RERE: variants seen among roughly 807,000 people sequenced by gnomAD.
The protein encoded by RERE is arginine-glutamic acid dipeptide repeats protein.
Under a neutral mutation model 146.1 loss-of-function variants are expected in RERE, and 40 were observed. The ratio of observed to expected loss-of-function variants is 0.27; its 90% CI spans 0.21 to 0.36. RERE has a LOEUF of 0.36. Ranked by LOEUF, RERE falls within the 10% of genes least tolerant of loss-of-function variation. The probability of loss-of-function intolerance (pLI) is 1.00; values close to 1 mark genes in which losing one functional copy is unlikely to be tolerated. For synonymous variants in RERE, 1,003 were observed against 866.0 expected (o/e 1.16, Z -2.78); for missense variants, 1,933 against 2,138.7 (o/e 0.90, Z 1.90).
intron 12 of RERE, among the ~76,000 whole-genome samples, chr1:8,416,598 A>AAAAAAAAAG (rs1419532157): frequency 6.8e-6 from 1 of 147,682 alleles, no homozygotes; most frequent in African/African-American, 2.5e-5. Context: ...AAAAAAAAAA[A>AAAAAAAAAG]AAAAGAAAAG....
intron 1 of RERE, among the ~76,000 whole-genome samples, chr1:8,720,322 A>G: frequency 6.6e-6 from 1 of 152,140 alleles, no homozygotes; most frequent in East Asian, 1.9e-4. Context: ...AACAAAGTAG[A>G]AAGACACTCC....
chr1:8,630,596 G>C (rs1350293145), intron 2 of RERE, among the ~76,000 whole-genome samples: 2 of 152,162 alleles, frequency 1.3e-5, no homozygotes, highest in Non-Finnish European at 2.9e-5. Context: ...ATTTAAAAGG[G>C]AAAAGGACTG....
intron 10 of RERE, among the ~76,000 whole-genome samples, chr1:8,471,436 C>A (rs1452644343): frequency 6.6e-6 from 1 of 151,944 alleles, no homozygotes; most frequent in East Asian, 1.9e-4. Context: ...CTTCAGCCGC[C>A]CAAGTACTAG....
At chr1:8,359,664 C>G (rs932733264) in intron 19 of RERE, 100 bp downstream of exon 19, 1 of 1,324,438 alleles carries the variant, frequency 7.6e-7, no homozygotes, top group Non-Finnish European at 1.1e-6. Context: ...GCCAGGAGGC[C>G]GAGTCAGGCA....
At chr1:8,604,149 G>T (rs1251487900) in intron 4 of RERE, among the ~76,000 whole-genome samples, 3 of 152,092 alleles carry the variant, frequency 2.0e-5, no homozygotes, top group African/African-American at 7.2e-5. Flanking sequence ...CATCTTACAT[G>T]TGAAGACAGT....
At chr1:8,736,851 G>GAAA (rs34872965) in intron 1 of RERE, among the ~76,000 whole-genome samples, 18 of 99,790 alleles carry the variant, frequency 1.8e-4, no homozygotes, top group African/African-American at 6.5e-4. Context: ...AAGCAAGGGG[G>GAAA]AAAAAAAAAA....
At position 8,672,842 on chromosome 1, in the gene RERE, T is replaced by C. The variant is rs75793603; in HGVS notation, c.-144-16401A>G. Among the ~76,000 whole-genome samples, 716 of 152,302 alleles carry C rather than the reference T, an allele frequency of 4.7e-3. 3 individuals are homozygous for C. Among genetic ancestry groups the C allele is most frequent in the African/African-American group, 0.017 (689 of 41,568 alleles). The stretch of plus-strand genomic sequence containing the variant: ...ACTCAAGAATATGCCAGCATCCTTG[T>C]ATCAGATGTTTACTACCAAACAAAC... On this transcript the variant is annotated intron_variant, in intron 1 of 22. Coordinates refer to ENST00000400908, the MANE Select transcript of RERE (RefSeq NM_001042681.2).
Position 8,656,132 on chromosome 1 carries a change from T to C in RERE, c.166A>G (p.Ser56Gly), listed in dbSNP as rs1355090965. 3.7e-6 allele frequency: 6 copies of C among 1,614,108 alleles called. No individual in the cohort carries two copies. Among genetic ancestry groups the C allele is most frequent in the Non-Finnish European group, 4.2e-6 (5 of 1,179,946 alleles). The change falls in exon 2 of 23, where the codon AGT (serine) becomes GGT (glycine). Residue 56 changes from serine to glycine, a missense_variant. Ser to Gly is a moderately conservative substitution (Grantham distance 56, BLOSUM62 0). This residue lies in a region of RERE where 107 missense variants were observed against 119.7 expected (regional missense o/e 0.89). Transcript: ENST00000400908. ...TTGTTGTCATTGTCCTCGTCTTCAC[T>C]GTGATCACTCTCAGCATAATTTTTG... ...GAKNYAESDH[S>G]EDEDNDNNSA...
intron 4 of RERE, among the ~76,000 whole-genome samples, chr1:8,571,385 CAGTAA>C (rs1327350038): frequency 7.9e-5 from 12 of 152,274 alleles, no homozygotes; most frequent in Admixed American, 1.3e-4. Flanking sequence ...GTTGGTAACA[CAGTAA>C]AGTAATTTTT....
intron 10 of RERE, among the ~76,000 whole-genome samples, chr1:8,481,256 A>C (rs1161807887): frequency 6.6e-6 from 1 of 152,154 alleles, no homozygotes; most frequent in African/African-American, 2.4e-5. Context: ...AGCTGAGACT[A>C]CAGGAGCATA....
chr1:8,671,769 T>A (rs1301412896), intron 1 of RERE, among the ~76,000 whole-genome samples: 1 of 152,166 alleles, frequency 6.6e-6, no homozygotes, highest in East Asian at 1.9e-4. Context: ...AAAATGAAAT[T>A]TAATGGGTTC....
At chr1:8,367,210 G>C (rs565030449) in intron 12 of RERE, among the ~76,000 whole-genome samples, 2 of 152,188 alleles carry the variant, frequency 1.3e-5, no homozygotes, top group Non-Finnish European at 2.9e-5. Context: ...GCTGCCACAT[G>C]ACAAACTCAC....
intron 7 of RERE, among the ~76,000 whole-genome samples, chr1:8,520,757 A>AC (rs1485650496): frequency 6.7e-6 from 1 of 148,822 alleles, no homozygotes; most frequent in African/African-American, 2.5e-5. Flanking sequence ...AACTTTTTAA[A>AC]AAAAAAAAAA....
intron 10 of RERE, among the ~76,000 whole-genome samples, chr1:8,485,796 CT>C (rs58295004): frequency 0.18 from 21,019 of 117,700 alleles, 1,242 homozygotes; most frequent in Middle Eastern, 0.27. Context: ...TCTACAATCA[CT>C]TTTTTTTTTT....
chr1:8,759,150 AGAAAG>A (rs1259463378), intron 1 of RERE, among the ~76,000 whole-genome samples: 1 of 152,234 alleles, frequency 6.6e-6, no homozygotes, highest in Admixed American at 6.5e-5. Flanking sequence ...TGATTGTCAA[AGAAAG>A]GAAAGAGGTA....
At chr1:8,523,206 GA>G (rs974817008) in intron 7 of RERE, among the ~76,000 whole-genome samples, 3 of 151,420 alleles carry the variant, frequency 2.0e-5, no homozygotes, top group Non-Finnish European at 4.4e-5. Context: ...AAAAGAAAAA[GA>G]AAAAAAAGTG....
intron 12 of RERE, among the ~76,000 whole-genome samples, chr1:8,384,577 T>C (rs964845232): frequency 1.3e-5 from 2 of 152,196 alleles, no homozygotes; most frequent in African/African-American, 4.8e-5. Flanking sequence ...TAACTCCAGA[T>C]AGGAGTGATG....
At chr1:8,757,804 C>T (rs12403640) in intron 1 of RERE, among the ~76,000 whole-genome samples, 82,459 of 151,734 alleles carry the variant, frequency 0.54, 23,067 homozygotes, top group East Asian at 0.83. Context: ...CATATAAGGA[C>T]GCAAAATGGT....
chr1:8,500,097 G>A (rs2124255415), intron 8 of RERE, among the ~76,000 whole-genome samples: 1 of 152,270 alleles, frequency 6.6e-6, no homozygotes, highest in Non-Finnish European at 1.5e-5. Context: ...CTCCAGCTTG[G>A]GTGACAGAGC....
Sources: allele counts gnomAD v4.1 joint callset (sites outside exome capture counted in the v4.1 genomes callset), GRCh38; gene constraint gnomAD v4.1.1; regional missense constraint gnomAD v4.1.1; transcripts MANE v1.5; gene names NCBI Gene and HGNC (gene_info 2026-07-23, HGNC 2026-07-21).